The following TMEM117 variants were observed in gnomAD, a reference collection of about 807,000 sequenced individuals.
TMEM117 encodes transmembrane protein 117.
A neutral mutation model predicts 52.4 loss-of-function variants in TMEM117; 27 were observed. That is an observed-to-expected ratio of 0.51 (90% CI 0.38 to 0.71). TMEM117 has a LOEUF of 0.71. Ranked by LOEUF, TMEM117 falls within the 30% of genes least tolerant of loss-of-function variation. The pLI is 0.00. For missense variants in TMEM117, 556 were observed against 630.5 expected (o/e 0.88, Z 1.26); for synonymous variants, 215 against 206.3 (o/e 1.04, Z -0.36).
intron 2 of TMEM117, among the ~76,000 whole-genome samples, chr12:43,890,345 A>C (rs979171299): frequency 3.3e-5 from 5 of 151,990 alleles, no homozygotes; most frequent in African/African-American, 9.7e-5. Flanking sequence ...GTTAGTGAAA[A>C]TCTGTCAATA....
chr12:44,285,021 G>T (rs971683784), intron 5 of TMEM117, among the ~76,000 whole-genome samples: 1 of 152,184 alleles, frequency 6.6e-6, no homozygotes, highest in Non-Finnish European at 1.5e-5. Context: ...TATGGAGATT[G>T]CCAATGTGCA....
At chr12:44,382,851 C>T (rs1258651359) in intron 7 of TMEM117, among the ~76,000 whole-genome samples, 1 of 152,158 alleles carries the variant, frequency 6.6e-6, no homozygotes, top group Non-Finnish European at 1.5e-5. Flanking sequence ...ATGGCCTCCT[C>T]ATGACCCAAG....
At chr12:44,121,730 G>A (rs538617750) in intron 3 of TMEM117, among the ~76,000 whole-genome samples, 1 of 152,180 alleles carries the variant, frequency 6.6e-6, no homozygotes, top group African/African-American at 2.4e-5. Context: ...TAGGTTCAGG[G>A]GATACATGTG....
intron 3 of TMEM117, among the ~76,000 whole-genome samples, chr12:44,131,171 G>A (rs959630625): frequency 6.6e-6 from 1 of 152,044 alleles, no homozygotes; most frequent in African/African-American, 2.4e-5. Flanking sequence ...TAAGCATGGT[G>A]TTAGCTCTTT....
chr12:44,294,732 G>A (rs560264518), intron 5 of TMEM117, among the ~76,000 whole-genome samples: 4 of 152,252 alleles, frequency 2.6e-5, no homozygotes, highest in African/African-American at 9.6e-5. Context: ...GATAACAGAT[G>A]GCTACTAAGT....
intron 5 of TMEM117, among the ~76,000 whole-genome samples, chr12:44,268,150 T>A (rs1461754095): frequency 6.6e-6 from 1 of 152,112 alleles, no homozygotes; most frequent in Non-Finnish European, 1.5e-5. Context: ...CATCTTTTTT[T>A]TTTTTGAGAC....
chr12:43,858,340 C>T (rs972975804), intron 2 of TMEM117, among the ~76,000 whole-genome samples: 1 of 152,214 alleles, frequency 6.6e-6, no homozygotes, highest in South Asian at 2.1e-4. Context: ...TGCCTTAGGA[C>T]CGGATTGTGC....
intron 3 of TMEM117, among the ~76,000 whole-genome samples, chr12:44,036,376 C>T (rs1946710715): frequency 6.6e-6 from 1 of 152,184 alleles, no homozygotes; most frequent in Non-Finnish European, 1.5e-5. Context: ...CCTACTGCCT[C>T]CTTCCAGTGG....
At chr12:44,056,813 T>C (rs922672177) in intron 3 of TMEM117, among the ~76,000 whole-genome samples, 2 of 152,192 alleles carry the variant, frequency 1.3e-5, no homozygotes, top group Non-Finnish European at 2.9e-5. Flanking sequence ...TATTTTCAAA[T>C]CTTCGTATTG....
At chr12:43,832,197 C>T (rs1228567087), upstream of TMEM117, among the ~76,000 whole-genome samples, 1 of 152,204 alleles carries the variant, frequency 6.6e-6, no homozygotes, top group Non-Finnish European at 1.5e-5. Context: ...GTGGTTAACT[C>T]TGCGTGAGTA....
intron 3 of TMEM117, among the ~76,000 whole-genome samples, chr12:44,102,742 T>G (rs1947883806): frequency 6.6e-6 from 1 of 152,020 alleles, no homozygotes; most frequent in African/African-American, 2.4e-5. Flanking sequence ...GAGGATGATA[T>G]GGTTTGGCTG....
intron 2 of TMEM117, among the ~76,000 whole-genome samples, chr12:43,880,630 C>T (rs1214788554): frequency 6.6e-6 from 1 of 152,178 alleles, no homozygotes; most frequent in Non-Finnish European, 1.5e-5. Context: ...CTAAAGATCT[C>T]CTGCAGGCTG....
At chr12:44,052,587 T>C (rs561623253) in intron 3 of TMEM117, among the ~76,000 whole-genome samples, 1 of 152,258 alleles carries the variant, frequency 6.6e-6, no homozygotes, top group East Asian at 1.9e-4. Context: ...GGCTGGTCAC[T>C]TATGTTTCTA....
chr12:43,865,424 T>G (rs1332499802), intron 2 of TMEM117, among the ~76,000 whole-genome samples: 4 of 152,154 alleles, frequency 2.6e-5, no homozygotes, highest in Non-Finnish European at 5.9e-5. Context: ...TGGCCAGGTA[T>G]ACTGGCTCAG....
chr12:43,970,970 T>C (rs141862887), intron 3 of TMEM117, among the ~76,000 whole-genome samples: 6 of 152,314 alleles, frequency 3.9e-5, no homozygotes, highest in African/African-American at 1.4e-4. Context: ...GTATTCAACC[T>C]GATAGTCTAA....
the TMEM117 span, among the ~76,000 whole-genome samples, chr12:44,396,782 A>G: frequency 6.7e-6 from 1 of 149,234 alleles, no homozygotes; most frequent in Admixed American, 6.8e-5. Flanking sequence ...TGAACCAGGG[A>G]GGCGGAGGTT....
chr12:44,114,052 C>T (rs551545598), intron 3 of TMEM117, among the ~76,000 whole-genome samples: 5 of 148,472 alleles, frequency 3.4e-5, no homozygotes, highest in South Asian at 4.3e-4. Context: ...GGCAATGCCT[C>T]GCCCTGCTTC....
chr12:44,331,109 A>G (rs1192524284), intron 6 of TMEM117, among the ~76,000 whole-genome samples: 1 of 151,846 alleles, frequency 6.6e-6, no homozygotes, highest in Non-Finnish European at 1.5e-5. Flanking sequence ...GGAGGTGACC[A>G]CTGAATATTT....
At chr12:44,317,797 C>T (rs571448831) in intron 6 of TMEM117, among the ~76,000 whole-genome samples, 1 of 152,300 alleles carries the variant, frequency 6.6e-6, no homozygotes, top group East Asian at 1.9e-4. Flanking sequence ...ACCTTGTTTA[C>T]TGGGAGGTCT....
Sources: allele counts gnomAD v4.1 joint callset (sites outside exome capture counted in the v4.1 genomes callset), GRCh38; gene constraint gnomAD v4.1.1; transcripts MANE v1.5; gene names NCBI Gene and HGNC (gene_info 2026-07-23, HGNC 2026-07-21).